ITPR1: variants seen among roughly 807,000 people sequenced by gnomAD.
ITPR1 encodes the protein inositol 1,4,5-trisphosphate receptor type 1.
Under a neutral mutation model 318.4 loss-of-function variants are expected in ITPR1, and 96 were observed. The observed-to-expected ratio is 0.30, with a 90% confidence interval of 0.26 to 0.36. The LOEUF is 0.36. ITPR1 is among the 10% of genes least tolerant of loss of function. The probability of loss-of-function intolerance (pLI) is 1.00; values close to 1 mark genes in which losing one functional copy is unlikely to be tolerated. For synonymous variants in ITPR1, 1,312 were observed against 1,289.9 expected (o/e 1.02, Z -0.37); for missense variants, 2,440 against 3,460.2 (o/e 0.71, Z 7.40).
intron 4 of ITPR1, among the ~76,000 whole-genome samples, chr3:4,559,008 T>C (rs1023997316): frequency 6.6e-6 from 1 of 152,110 alleles, no homozygotes; most frequent in African/African-American, 2.4e-5. Flanking sequence ...ATTGAAAAAA[T>C]ACTTTTTAAT....
intron 4 of ITPR1, among the ~76,000 whole-genome samples, chr3:4,574,811 T>C (rs1203617055): frequency 6.6e-6 from 1 of 152,262 alleles, no homozygotes; most frequent in Non-Finnish European, 1.5e-5. Context: ...CCTCATGGCC[T>C]GGAGAAGTCT....
rs148894905 is a variant in ITPR1 at position 4,685,588 on chromosome 3, T to A, written c.3702+382T>A. Among the ~76,000 whole-genome samples, 5 of 152,364 alleles carry A rather than the reference T, an allele frequency of 3.3e-5. No homozygotes were observed. In the East Asian group the frequency reaches 7.7e-4, roughly 23 times the overall value. On this transcript the variant is annotated intron_variant, in intron 30 of 61. Coordinates refer to ENST00000649015, the MANE Select transcript of ITPR1 (RefSeq NM_001378452.1). ...TAAGTATCACCAGCTATTAAGTGCA[T>A]GTAGGAACATGGGATGTGCCCACTT...
At chr3:4,721,009 G>A (rs1483634932) in intron 40 of ITPR1, among the ~76,000 whole-genome samples, 1 of 151,592 alleles carries the variant, frequency 6.6e-6, no homozygotes, top group Non-Finnish European at 1.5e-5. Context: ...AGCAGTAATT[G>A]CCAATAAATG....
intron 2 of ITPR1, among the ~76,000 whole-genome samples, chr3:4,499,818 A>G (rs1293212198): frequency 6.6e-6 from 1 of 152,124 alleles, no homozygotes; most frequent in Non-Finnish European, 1.5e-5. Flanking sequence ...TCTTTTTTAA[A>G]TTGAGAAGGG....
At chr3:4,564,029 C>T (rs1014782755) in intron 4 of ITPR1, among the ~76,000 whole-genome samples, 4 of 152,028 alleles carry the variant, frequency 2.6e-5, no homozygotes, top group Admixed American at 1.3e-4. Flanking sequence ...GCAACCTCCA[C>T]CTCCGGGGTT....
At position 4,813,224 on chromosome 3, in the gene ITPR1, A is replaced by G; in HGVS notation, c.7551A>G (p.Ala2517=). The change falls in exon 57 of 62, where the codon GCA becomes GCG. Residue 2517 remains alanine (A), a synonymous_variant. Coordinates refer to ENST00000649015, the MANE Select transcript of ITPR1 (RefSeq NM_001378452.1). Reference sequence around the variant, plus strand: ...GTGGGGAGAACTGCTCCTCTCCTGCACCCAGAGAAGGTAGGACCTCCTAAC... The same window carrying G: ...GTGGGGAGAACTGCTCCTCTCCTGCGCCCAGAGAAGGTAGGACCTCCTAAC... ...VESGENCSSP[A]PREELVPAEE... 1 of 1,610,042 alleles carries G rather than the reference A, an allele frequency of 6.2e-7. No individual in the cohort carries two copies. The highest frequency in any genetic ancestry group is 8.5e-7 in the Non-Finnish European group (1 of 1,176,996).
chr3:4,722,395 A>G (rs1238551475), intron 40 of ITPR1, among the ~76,000 whole-genome samples: 2 of 152,220 alleles, frequency 1.3e-5, no homozygotes, highest in African/African-American at 4.8e-5. Flanking sequence ...AATACAGAAC[A>G]TGGGAATTTC....
At chr3:4,588,357 G>A (rs1052773807) in intron 4 of ITPR1, among the ~76,000 whole-genome samples, 2 of 150,654 alleles carry the variant, frequency 1.3e-5, no homozygotes, top group African/African-American at 4.9e-5. Context: ...TTTTTTTAAA[G>A]CCTGTTAGTG....
At chr3:4,768,338 G>A (rs1482000511) in intron 45 of ITPR1, 173 bp from the exon 46 acceptor site, 7 of 663,494 alleles carry the variant, frequency 1.1e-5, no homozygotes, top group East Asian at 2.9e-5. Flanking sequence ...GGCCTGGCTC[G>A]GTTTTAATCC....
At chr3:4,508,637 A>C (rs1410781625) in intron 2 of ITPR1, among the ~76,000 whole-genome samples, 1 of 152,126 alleles carries the variant, frequency 6.6e-6, no homozygotes, top group African/African-American at 2.4e-5. Context: ...GCTGCTGCTT[A>C]AAATTAAATG....
At chr3:4,835,160 G>T (rs2050808706) in intron 60 of ITPR1, among the ~76,000 whole-genome samples, 1 of 137,540 alleles carries the variant, frequency 7.3e-6, no homozygotes. Flanking sequence ...ATGACACCTT[G>T]TTGTCCATGT....
intron 32 of ITPR1, among the ~76,000 whole-genome samples, chr3:4,692,471 C>T (rs2094495639): frequency 6.6e-6 from 1 of 152,174 alleles, no homozygotes; most frequent in South Asian, 2.1e-4. Context: ...GATGAAGAAA[C>T]TGAGATACAA....
intron 4 of ITPR1, among the ~76,000 whole-genome samples, chr3:4,538,579 C>T (rs548628741): frequency 6.6e-6 from 1 of 152,116 alleles, no homozygotes; most frequent in Non-Finnish European, 1.5e-5. Flanking sequence ...TCATTCTGTT[C>T]TAAAGATACA....
chr3:4,716,719 A>C (rs1316231947), intron 39 of ITPR1, among the ~76,000 whole-genome samples: 1 of 152,234 alleles, frequency 6.6e-6, no homozygotes, highest in African/African-American at 2.4e-5. Flanking sequence ...AACTATCCTT[A>C]AACAAGCGTA....
chr3:4,796,448 C>G (rs572752867), intron 53 of ITPR1, among the ~76,000 whole-genome samples: 5 of 152,272 alleles, frequency 3.3e-5, no homozygotes, highest in Admixed American at 1.3e-4. Context: ...TGGCAGAGGG[C>G]TAGTGAGGAG....
At chr3:4,669,830 T>A in intron 19 of ITPR1, 57 bp downstream of exon 19, 1 of 1,490,560 alleles carries the variant, frequency 6.7e-7, no homozygotes, top group Non-Finnish European at 9.0e-7. Context: ...GTGTTGGTGC[T>A]CATGAGGAAT....
rs187345348 is a variant in ITPR1 at position 4,527,041 on chromosome 3, G to A, written c.163+5947G>A. Among the ~76,000 whole-genome samples the A allele has an allele frequency of 8.5e-5, 13 of 152,342 alleles. No homozygotes were observed. In the East Asian group the frequency reaches 2.5e-3, roughly 29 times the overall value. ...TCATGTCCTAATCTTTCGCTGTGCA[G>A]CACCCTGAGACCAGAGCGCATCTAT... On this transcript the variant is annotated intron_variant, in intron 4 of 61. Coordinates refer to ENST00000649015, the MANE Select transcript of ITPR1 (RefSeq NM_001378452.1).
rs111805736 is a variant in ITPR1 at position 4,566,604 on chromosome 3, G to GCGCACA, written c.163+45511_163+45512insGCACAC. On this transcript the variant is annotated intron_variant, in intron 4 of 61. Coordinates refer to ENST00000649015, the MANE Select transcript of ITPR1 (RefSeq NM_001378452.1). ...CCAGGAAGCCTGAATGGGGACACAT[G>GCGCACA]CACACACACACACACACACACACAC... Among the ~76,000 whole-genome samples, 230 of 140,986 alleles carry GCGCACA rather than the reference G, an allele frequency of 1.6e-3. 1 individual carries two copies. The East Asian group carries it at 0.027, about 17-fold the overall frequency. 92.5% of individuals were successfully genotyped at this position (140,986 alleles called of 152,430 possible).
chr3:4,565,979 G>A (rs944840462), intron 4 of ITPR1, among the ~76,000 whole-genome samples: 1 of 152,250 alleles, frequency 6.6e-6, no homozygotes, highest in Middle Eastern at 3.4e-3. Context: ...AGGAAGTTCA[G>A]CTTCACTCCT....
Sources: gnomAD v4.1 joint callset for allele counts (sites outside exome capture counted in the v4.1 genomes callset) on GRCh38, gnomAD v4.1.1 for gene constraint, MANE v1.5 for transcripts, NCBI Gene and HGNC (gene_info 2026-07-23, HGNC 2026-07-21) for gene names.